Variants in CCNE1 observed in about 807,000 individuals in gnomAD.
CCNE1 encodes the protein cyclin E1.
Under a neutral mutation model 54.1 loss-of-function variants are expected in CCNE1, and 8 were observed. The observed-to-expected ratio is 0.15, with a 90% CI of 0.09 to 0.27. CCNE1 has a LOEUF of 0.27. Among genes scored for constraint, CCNE1 ranks in the 10% least tolerant of loss-of-function variants. The probability of loss-of-function intolerance (pLI) is 1.00; values close to 1 mark genes in which losing one functional copy is unlikely to be tolerated. For synonymous variants in CCNE1, 179 were observed against 185.2 expected (o/e 0.97, Z 0.27); for missense variants, 430 against 514.9 (o/e 0.84, Z 1.60).
rs1315133523 is a variant in CCNE1 at position 29,817,507 on chromosome 19, A to G, written c.428A>G (p.Lys143Arg). The change falls in exon 6 of 12, where the codon AAA (lysine) becomes AGA (arginine). Residue 143 changes from lysine to arginine, a missense_variant. Around this residue, in one of 2 missense-constraint regions of CCNE1, gnomAD observed 303 missense variants for 401.1 expected, o/e 0.76. Coordinates refer to ENST00000262643, the MANE Select transcript of CCNE1 (RefSeq NM_001238.4). ...FLEQHPLLQP[K>R]MRAILLDWLM... ...GAGCAACACCCTCTTCTGCAGCCAA[A>G]AATGCGAGCAATTCTTCTGGATTGG... 6.2e-7 allele frequency: 1 copy of G among 1,614,074 alleles called. No individual in the cohort carries two copies. The highest frequency in any genetic ancestry group is 1.3e-5 in the African/African-American group (1 of 74,926).
At chr19:29,823,586 G>T in intron 11 of CCNE1, 69 bp from the exon 12 acceptor site, 2 of 1,365,058 alleles carry the variant, frequency 1.5e-6, no homozygotes, top group Non-Finnish European at 9.8e-7. Flanking sequence ...AAAAGAAAAA[G>T]CCTATGGTAA....
At chr19:29,818,988 C>A (rs1156937421) in intron 6 of CCNE1, among the ~76,000 whole-genome samples, 1 of 152,106 alleles carries the variant, frequency 6.6e-6, no homozygotes, top group African/African-American at 2.4e-5. Context: ...GTCTTGAAGT[C>A]CCGACCTCAG....
At chr19:29,819,055 G>A (rs549853809) in intron 6 of CCNE1, among the ~76,000 whole-genome samples, 8 of 151,482 alleles carry the variant, frequency 5.3e-5, no homozygotes, top group East Asian at 2.0e-4. Context: ...GAGCCACTGC[G>A]CCTGGCCCTT....
rs774743453 is a variant in CCNE1 at position 29,812,561 on chromosome 19, G to GAGGGAGCGC, written c.15_23dup (p.Arg6_Arg8dup). 44 of 1,509,690 alleles carry GAGGGAGCGC rather than the reference G, an allele frequency of 2.9e-5. No individual in the cohort carries two copies. In the South Asian group the frequency reaches 5.1e-4, roughly 17 times the overall value. 93.5% of individuals were successfully genotyped at this position (1,509,690 alleles called of 1,614,324 possible). Reference sequence around the variant, plus strand: ...CAGGCCGGAGCAGCCCCATCATGCCGAGGGAGCGCAGGGAGCGGTGAGTGC... The same window carrying GAGGGAGCGC: ...CAGGCCGGAGCAGCCCCATCATGCCGAGGGAGCGCAGGGAGCGCAGGGAGCGGTGAGTGC... On this transcript the variant is annotated inframe_insertion, in exon 2 of 12. Coordinates refer to ENST00000262643, the MANE Select transcript of CCNE1 (RefSeq NM_001238.4).
intron 6 of CCNE1, 53 bp from the exon 7 acceptor site, chr19:29,820,647 TCC>T: frequency 1.6e-6 from 2 of 1,265,610 alleles, no homozygotes; most frequent in South Asian, 1.3e-5. Context: ...TTTTTTTTTT[TCC>T]CCTCCCTCAA....
intron 6 of CCNE1, 166 bp downstream of exon 6, chr19:29,817,707 C>A: frequency 1.4e-6 from 1 of 722,500 alleles, no homozygotes. Context: ...GTATTCTTAG[C>A]AAGAATTTCT....
chr19:29,816,022 C>T (rs998780036), intron 4 of CCNE1, among the ~76,000 whole-genome samples: 2 of 151,758 alleles, frequency 1.3e-5, no homozygotes, highest in East Asian at 1.9e-4. Context: ...TGGGTGTGCT[C>T]GTGCATGCCT....
chr19:29,813,578 T>C (rs1257258904), intron 4 of CCNE1, among the ~76,000 whole-genome samples: 4 of 152,190 alleles, frequency 2.6e-5, no homozygotes, highest in East Asian at 1.9e-4. Flanking sequence ...GAAGTTCTTA[T>C]AGCCCCTCCA....
intron 4 of CCNE1, among the ~76,000 whole-genome samples, chr19:29,816,310 T>C (rs1158273669): frequency 6.6e-6 from 1 of 152,150 alleles, no homozygotes. Context: ...AAAATGAAAA[T>C]ATTCTAAATG....
intron 6 of CCNE1, among the ~76,000 whole-genome samples, chr19:29,818,060 T>C (rs866082898): frequency 4.3e-5 from 6 of 140,328 alleles, no homozygotes; most frequent in South Asian, 2.2e-4. Context: ...GGAGTCTTGC[T>C]CTGTCACCCA....
At chr19:29,816,412 T>A (rs1027984366) in intron 4 of CCNE1, among the ~76,000 whole-genome samples, 2 of 152,218 alleles carry the variant, frequency 1.3e-5, no homozygotes, top group African/African-American at 4.8e-5. Context: ...TAGTTCCTTA[T>A]TTTATCAGGT....
At chr19:29,818,454 C>T (rs536881002) in intron 6 of CCNE1, among the ~76,000 whole-genome samples, 92 of 152,162 alleles carry the variant, frequency 6.0e-4, no homozygotes, top group Non-Finnish European at 8.7e-4. Flanking sequence ...GCCACCATGC[C>T]CAGCTAAATT....
At chr19:29,812,871 G>T in intron 3 of CCNE1, 95 bp downstream of exon 3, 1 of 1,590,514 alleles carries the variant, frequency 6.3e-7, no homozygotes, top group East Asian at 2.2e-5. Context: ...CCCTTGGGCA[G>T]GAACGGAGCT....
Position 29,818,010 on chromosome 19 carries a change from C to T in CCNE1, c.462+469C>T, listed in dbSNP as rs889797395. 9.5e-5 allele frequency among the ~76,000 whole-genome samples: 14 copies of T among 147,630 alleles called. No homozygotes were observed. In the South Asian group the frequency reaches 1.1e-3, roughly 11 times the overall value. Reference sequence around the variant, plus strand: ...CTGAGTAGCTGGGATTACAGGCGCACGCCATCACGCCCAGTATTTTTTTTT... The same window carrying T: ...CTGAGTAGCTGGGATTACAGGCGCATGCCATCACGCCCAGTATTTTTTTTT... On this transcript the variant is annotated intron_variant, in intron 6 of 11. Coordinates refer to ENST00000262643, the MANE Select transcript of CCNE1 (RefSeq NM_001238.4).
At chr19:29,815,541 A>G (rs1247901227) in intron 4 of CCNE1, among the ~76,000 whole-genome samples, 21 of 151,590 alleles carry the variant, frequency 1.4e-4, no homozygotes, top group South Asian at 4.2e-4. Context: ...TCGAGGTAGC[A>G]CTTACAGCCC....
intron 4 of CCNE1, among the ~76,000 whole-genome samples, chr19:29,814,543 G>A (rs201660693): frequency 6.6e-6 from 1 of 152,192 alleles, no homozygotes; most frequent in Non-Finnish European, 1.5e-5. Context: ...ATTTCTATAC[G>A]TTTTGTAGAG....
In CCNE1 at chr19:29,812,131, GT is replaced by G. The variant is rs1403529386; in HGVS notation, c.-45del. ...CCGCCTGCCGGGACTGGAGCGCGCC[GT>G]CCGCCGCGGACAAGACCCTGGTGAG... is the stretch of plus-strand genomic sequence containing the variant. On this transcript the variant is annotated 5_prime_UTR_variant, in exon 1 of 12. Transcript: ENST00000262643. 1 of 148,928 alleles carries G rather than the reference GT, an allele frequency of 6.7e-6. No homozygotes were observed. The highest frequency in any genetic ancestry group is 2.4e-5 in the African/African-American group (1 of 40,994). The allele number at this position is 148,928 out of a possible 1,614,324, so 9.2% of individuals were successfully genotyped here. A position where few individuals can be genotyped will look rare whatever the true frequency, so the allele number is the denominator to read the frequency against.
chr19:29,818,026 A>ATT (rs35607816), intron 6 of CCNE1, among the ~76,000 whole-genome samples: 1,554 of 84,506 alleles, frequency 0.018, 108 homozygotes, highest in East Asian at 0.14. Context: ...CACGCCCAGT[A>ATT]TTTTTTTTTT....
intron 4 of CCNE1, among the ~76,000 whole-genome samples, chr19:29,813,698 T>G (rs1330878710): frequency 6.6e-6 from 1 of 152,218 alleles, no homozygotes; most frequent in African/African-American, 2.4e-5. Flanking sequence ...TGACTGCTTT[T>G]CTTTTCTCTC....
Sources: allele counts gnomAD v4.1 joint callset (sites outside exome capture counted in the v4.1 genomes callset), GRCh38; gene constraint gnomAD v4.1.1; regional missense constraint gnomAD v4.1.1; transcripts MANE v1.5; gene names NCBI Gene and HGNC (gene_info 2026-07-23, HGNC 2026-07-21).